Variants in USH2A observed in about 807,000 individuals in gnomAD.
USH2A encodes usherin.
USH2A carries 443 observed loss-of-function variants against 538.9 expected under a neutral mutation model. That is an observed-to-expected ratio of 0.82 (90% CI 0.76 to 0.89). The LOEUF is 0.89. Among genes scored for constraint, USH2A ranks in the 40% least tolerant of loss-of-function variants. The pLI is 0.00. For missense variants in USH2A, 6,633 were observed against 6,324.8 expected (o/e 1.05, Z -1.65); for synonymous variants, 2,413 against 2,273.5 (o/e 1.06, Z -1.75).
intron 4 of USH2A, among the ~76,000 whole-genome samples, chr1:216,354,101 C>A (rs1259318917): frequency 1.3e-5 from 2 of 152,030 alleles, no homozygotes; most frequent in Non-Finnish European, 2.9e-5. Flanking sequence ...TCAATTCTAT[C>A]CACAGATATC....
At chr1:215,859,447 T>C (rs79761873) in intron 44 of USH2A, among the ~76,000 whole-genome samples, 5,398 of 151,904 alleles carry the variant, frequency 0.036, 159 homozygotes, top group East Asian at 0.14. Flanking sequence ...GGCAGGAGAA[T>C]TGCTTGAACA....
At chr1:216,049,436 A>G (rs1297938908) in intron 30 of USH2A, among the ~76,000 whole-genome samples, 1 of 152,186 alleles carries the variant, frequency 6.6e-6, no homozygotes, top group Non-Finnish European at 1.5e-5. Flanking sequence ...CTCCTTATTT[A>G]GTTAATCCTG....
At chr1:216,097,319 C>A in intron 21 of USH2A, 106 bp from the exon 22 acceptor site, 1 of 1,586,072 alleles carries the variant, frequency 6.3e-7, no homozygotes, top group South Asian at 1.1e-5. Flanking sequence ...TGAGTACAGT[C>A]AGGAAATTAT....
At chr1:215,998,679 A>G (rs1297533768) in intron 34 of USH2A, among the ~76,000 whole-genome samples, 2 of 151,062 alleles carry the variant, frequency 1.3e-5, no homozygotes, top group African/African-American at 2.5e-5. Context: ...GTGTTATTCT[A>G]TCATTTGCAT....
At position 215,686,344 on chromosome 1, in the gene USH2A, T is replaced by C. The variant is rs149648137; in HGVS notation, c.12067-5968A>G. Among the ~76,000 whole-genome samples the C allele has an allele frequency of 2.6e-3, 388 of 152,142 alleles. 6 individuals are homozygous for C. Among genetic ancestry groups the C allele is most frequent in the African/African-American group, 9.1e-3 (378 of 41,522 alleles). On this transcript the variant is annotated intron_variant, in intron 61 of 71. Transcript: ENST00000307340. ...GGTGAGGACTTGGGGAAGACTTAAT[T>C]GAGACGTGGCATTTGATCCAGGTCA... is the stretch of plus-strand genomic sequence containing the variant.
At chr1:216,394,876 G>C (rs1265311420) in intron 3 of USH2A, among the ~76,000 whole-genome samples, 1 of 151,326 alleles carries the variant, frequency 6.6e-6, no homozygotes, top group Non-Finnish European at 1.5e-5. Flanking sequence ...CCGCCACCAC[G>C]CCCGGCTAAT....
At chr1:216,290,545 A>C (rs2036982176) in intron 10 of USH2A, among the ~76,000 whole-genome samples, 1 of 152,202 alleles carries the variant, frequency 6.6e-6, no homozygotes, top group African/African-American at 2.4e-5. Context: ...TCTAGGAGGT[A>C]AGAGGAATCT....
At chr1:216,296,192 C>T (rs754522202) in intron 9 of USH2A, among the ~76,000 whole-genome samples, 1 of 152,000 alleles carries the variant, frequency 6.6e-6, no homozygotes, top group Non-Finnish European at 1.5e-5. Flanking sequence ...CTGTTTATAT[C>T]AGGTAGTGCT....
intron 16 of USH2A, chr1:216,204,102 C>CTA (rs2035059291): frequency 1.3e-5 from 2 of 154,794 alleles, no homozygotes; most frequent in Non-Finnish European, 2.9e-5. Flanking sequence ...TTTGATCTGC[C>CTA]TACTATGTCT....
chr1:216,323,808 T>C, intron 7 of USH2A, 113 bp from the exon 8 acceptor site: 1 of 1,020,956 alleles, frequency 9.8e-7, no homozygotes, highest in Middle Eastern at 2.3e-4. Context: ...AAATTATTCA[T>C]TCTAGGAAAA....
chr1:216,323,715 G>A lies in USH2A; in HGVS notation c.1329-20C>T, dbSNP rs752671227. ...GTAAAACTGTTAATGAAAGAAATTCGATGTCATGAAAATCTATTCACATTT... is the reference window on the plus strand; with the variant it reads ...GTAAAACTGTTAATGAAAGAAATTCAATGTCATGAAAATCTATTCACATTT... On this transcript the variant is annotated intron_variant, in intron 7 of 71. Transcript: ENST00000307340. 13 of 1,610,080 alleles carry A rather than the reference G, an allele frequency of 8.1e-6. No individual in the cohort carries two copies. The highest frequency in any genetic ancestry group is 1.7e-5 in the Admixed American group (1 of 59,926).
chr1:216,313,018 G>T (rs540231514), intron 9 of USH2A, among the ~76,000 whole-genome samples: 1 of 152,060 alleles, frequency 6.6e-6, no homozygotes, highest in Non-Finnish European at 1.5e-5. Context: ...CCAGGGATCG[G>T]TTTTGTGGAA....
rs1389838539 is a variant in USH2A, at chr1:215,674,435, T to C, written c.13476A>G (p.Thr4492=). The C allele has an allele frequency of 1.2e-6, 2 of 1,614,134 alleles. No individual in the cohort carries two copies. Among genetic ancestry groups the C allele is most frequent in the South Asian group, 2.2e-5 (2 of 91,078 alleles). ...GGGTGAGAGTAAAATCACGATAGCG[T>C]GTTTCCAAGCCTGTATATACAATGG... ...DGTIVYTGLE[T]RYRDFTLTPG... is the part of the protein sequence containing the mutation. The change falls in exon 63 of 72, where the codon ACA becomes ACG. Residue 4492 remains threonine, a synonymous_variant. Coordinates refer to ENST00000307340, the MANE Select transcript of USH2A (RefSeq NM_206933.4).
chr1:216,413,517 A>G (rs1186611656), intron 3 of USH2A, among the ~76,000 whole-genome samples: 2 of 152,092 alleles, frequency 1.3e-5, no homozygotes, highest in East Asian at 3.9e-4. Context: ...CAGAACTATC[A>G]ATAGTTTTTC....
intron 50 of USH2A, among the ~76,000 whole-genome samples, chr1:215,792,257 A>G (rs1266141832): frequency 2.0e-5 from 3 of 152,172 alleles, no homozygotes; most frequent in African/African-American, 7.2e-5. Context: ...TTGATAATGA[A>G]CTGTTTTTAA....
intron 60 of USH2A, among the ~76,000 whole-genome samples, chr1:215,730,794 A>G (rs986749418): frequency 2.0e-5 from 3 of 152,202 alleles, no homozygotes; most frequent in African/African-American, 7.2e-5. Context: ...ATGGTTCGGC[A>G]GCCCACCTCA....
chr1:215,657,801 T>G (rs1558040806), intron 64 of USH2A, among the ~76,000 whole-genome samples: 1 of 152,224 alleles, frequency 6.6e-6, no homozygotes, highest in Non-Finnish European at 1.5e-5. Flanking sequence ...TTGGGTGTCT[T>G]GTCGCTACTG....
chr1:216,049,326 A>G (rs1015346569), intron 30 of USH2A, among the ~76,000 whole-genome samples: 3 of 152,226 alleles, frequency 2.0e-5, no homozygotes, highest in East Asian at 3.9e-4. Context: ...TTGAATTAAC[A>G]TGGCTTGCTG....
At chr1:216,268,934 A>G (rs754363206) in intron 11 of USH2A, among the ~76,000 whole-genome samples, 4 of 152,114 alleles carry the variant, frequency 2.6e-5, no homozygotes, top group Non-Finnish European at 5.9e-5. Flanking sequence ...ATAGCATTTA[A>G]CTTAGTAAAT....
Sources: allele counts gnomAD v4.1 joint callset (sites outside exome capture counted in the v4.1 genomes callset), GRCh38; gene constraint gnomAD v4.1.1; transcripts MANE v1.5; gene names NCBI Gene and HGNC (gene_info 2026-07-23, HGNC 2026-07-21).